The following SRPK2 variants were observed in gnomAD, a reference collection of about 807,000 sequenced individuals.
SRPK2 encodes SRSF protein kinase 2.
In SRPK2, 21 loss-of-function variants were observed where a neutral mutation model predicts 90.8. The ratio of observed to expected loss-of-function variants is 0.23; its 90% CI spans 0.16 to 0.33. The LOEUF (loss-of-function observed/expected upper bound fraction) is 0.33. Among genes scored for constraint, SRPK2 ranks in the 10% least tolerant of loss-of-function variants. SRPK2 has a pLI of 1.00. For synonymous variants in SRPK2, 288 were observed against 311.1 expected (o/e 0.93, Z 0.78); for missense variants, 620 against 869.0 (o/e 0.71, Z 3.60).
intron 2 of SRPK2, among the ~76,000 whole-genome samples, chr7:105,289,885 T>C (rs1808722729): frequency 6.6e-6 from 1 of 152,158 alleles, no homozygotes; most frequent in Non-Finnish European, 1.5e-5. Context: ...AACTCTTCCT[T>C]TCACTTAAAT....
intron 6 of SRPK2, among the ~76,000 whole-genome samples, chr7:105,166,609 T>C (rs533182250): frequency 2.0e-5 from 3 of 152,348 alleles, no homozygotes; most frequent in East Asian, 1.9e-4. Context: ...CTTTCTTATA[T>C]GTTTGAAATT....
At chr7:105,369,349 C>G (rs1340838362) in intron 2 of SRPK2, among the ~76,000 whole-genome samples, 1 of 152,028 alleles carries the variant, frequency 6.6e-6, no homozygotes, top group East Asian at 1.9e-4. Context: ...GGCTTCATCA[C>G]GCTGGCCAGG....
intron 2 of SRPK2, among the ~76,000 whole-genome samples, chr7:105,239,255 T>G (rs1229274226): frequency 6.6e-6 from 1 of 152,216 alleles, no homozygotes; most frequent in Non-Finnish European, 1.5e-5. Flanking sequence ...TAAACCTTCC[T>G]ATGTTATAAG....
At chr7:105,382,552 CAAAAAAAAAAA>C (rs71152969) in intron 2 of SRPK2, among the ~76,000 whole-genome samples, 15 of 75,898 alleles carry the variant, frequency 2.0e-4, no homozygotes, top group African/African-American at 6.4e-4. Context: ...AACTCCATCT[CAAAAAAAAAAA>C]AAAAAAAAAA....
chr7:105,170,889 A>AAGG (rs1790868580), intron 3 of SRPK2, among the ~76,000 whole-genome samples: 9 of 129,168 alleles, frequency 7.0e-5, no homozygotes, highest in African/African-American at 1.1e-4. Flanking sequence ...GAAAGAAAGA[A>AAGG]AGAAAGAAAG....
chr7:105,291,024 G>A (rs1206473175), intron 2 of SRPK2, among the ~76,000 whole-genome samples: 6 of 122,124 alleles, frequency 4.9e-5, no homozygotes, highest in South Asian at 2.8e-4. Flanking sequence ...CGGCCTGGGC[G>A]ACAGAGCGAG....
intron 2 of SRPK2, among the ~76,000 whole-genome samples, chr7:105,312,961 T>A (rs2131411733): frequency 6.6e-6 from 1 of 152,204 alleles, no homozygotes; most frequent in Admixed American, 6.5e-5. Flanking sequence ...TTACAAAATA[T>A]TCCAGAAATG....
At chr7:105,198,971 A>G (rs1056184017) in intron 3 of SRPK2, among the ~76,000 whole-genome samples, 2 of 152,210 alleles carry the variant, frequency 1.3e-5, no homozygotes, top group Non-Finnish European at 2.9e-5. Context: ...GGCTGTCAGG[A>G]AATGAAGAGT....
intron 2 of SRPK2, among the ~76,000 whole-genome samples, chr7:105,313,021 C>T (rs1244540475): frequency 6.6e-6 from 1 of 151,954 alleles, no homozygotes; most frequent in Non-Finnish European, 1.5e-5. Context: ...TTTGAAACTA[C>T]TAATGAATTA....
intron 6 of SRPK2, among the ~76,000 whole-genome samples, chr7:105,161,004 C>T (rs144736930): frequency 1.2e-3 from 181 of 152,206 alleles, no homozygotes; most frequent in South Asian, 6.0e-3. Context: ...TGGCTCACTG[C>T]AAGCTCTGCT....
At chr7:105,268,977 A>G in intron 2 of SRPK2, 1 of 1,410,514 alleles carries the variant, frequency 7.1e-7, no homozygotes, top group Non-Finnish European at 9.4e-7. Flanking sequence ...ATGAGGCCAC[A>G]AGATTCGCAG....
intron 9 of SRPK2, among the ~76,000 whole-genome samples, chr7:105,144,241 AT>A (rs35535485): frequency 4.2e-4 from 49 of 117,176 alleles, no homozygotes; most frequent in Admixed American, 3.6e-4. Flanking sequence ...CACCCGGCTA[AT>A]TTTTTTTTTT....
chr7:105,185,768 C>T (rs547912585), intron 3 of SRPK2, among the ~76,000 whole-genome samples: 16 of 152,278 alleles, frequency 1.1e-4, no homozygotes, highest in South Asian at 2.1e-4. Context: ...TTCATGCTTT[C>T]CAGTTTAATC....
At chr7:105,328,561 CAAAAAA>C (rs1192103331) in intron 2 of SRPK2, among the ~76,000 whole-genome samples, 9 of 47,194 alleles carry the variant, frequency 1.9e-4, no homozygotes, top group Non-Finnish European at 3.2e-4. Flanking sequence ...GGCTCTGTCT[CAAAAAA>C]AAAAAAAAAA....
chr7:105,396,362 C>T (rs116603353), intron 1 of SRPK2, among the ~76,000 whole-genome samples: 1,605 of 151,058 alleles, frequency 0.011, 24 homozygotes, highest in African/African-American at 0.037. Flanking sequence ...GATAGCCAGG[C>T]GTGGTGGCTT....
chr7:105,233,093 AAGG>A (rs1489314938), intron 2 of SRPK2, among the ~76,000 whole-genome samples: 35 of 47,464 alleles, frequency 7.4e-4, no homozygotes, highest in Non-Finnish European at 9.9e-4. Flanking sequence ...GGAAGGAAAG[AAGG>A]AAGGAAGGAA....
upstream of SRPK2, chr7:105,389,015 G>A: frequency 1.1e-6 from 1 of 928,386 alleles, no homozygotes; most frequent in Non-Finnish European, 1.2e-6. Context: ...GCCGGCCCCG[G>A]GGGTCGGGAC....
At chr7:105,303,711 A>T (rs965171226) in intron 2 of SRPK2, among the ~76,000 whole-genome samples, 4 of 152,198 alleles carry the variant, frequency 2.6e-5, no homozygotes, top group Admixed American at 2.6e-4. Context: ...TGATCCCTTA[A>T]ATCAAGTCTC....
chr7:105,298,081 A>G (rs982835996), intron 2 of SRPK2, among the ~76,000 whole-genome samples: 6 of 152,154 alleles, frequency 3.9e-5, no homozygotes, highest in African/African-American at 1.4e-4. Context: ...TTTCATGTTC[A>G]GCTGGGTAAG....
Sources: gnomAD v4.1 joint callset for allele counts (sites outside exome capture counted in the v4.1 genomes callset) on GRCh38, gnomAD v4.1.1 for gene constraint, MANE v1.5 for transcripts, NCBI Gene and HGNC (gene_info 2026-07-23, HGNC 2026-07-21) for gene names.